The following OSBPL10 variants were observed in gnomAD, a reference collection of about 807,000 sequenced individuals.
OSBPL10 encodes oxysterol-binding protein-related protein 10.
OSBPL10 carries 49 observed loss-of-function variants against 81.7 expected under a neutral mutation model. The observed-to-expected ratio is 0.60, with a 90% CI of 0.48 to 0.76. The LOEUF is 0.76. Among genes scored for constraint, OSBPL10 ranks in the 30% least tolerant of loss-of-function variants. The pLI, the probability that OSBPL10 is intolerant of heterozygous loss-of-function variation, is 0.00. For missense variants in OSBPL10, 923 were observed against 987.8 expected (o/e 0.93, Z 0.88); for synonymous variants, 419 against 383.6 (o/e 1.09, Z -1.08).
intron 9 of OSBPL10, 24 bp downstream of exon 9, chr3:31,670,773 A>T (rs1006160258): frequency 6.3e-7 from 1 of 1,599,870 alleles, no homozygotes; most frequent in East Asian, 2.2e-5. Context: ...AGACAAAGCC[A>T]GAGTCTCTCC....
chr3:31,979,600 G>A (rs1381638767), intron 1 of OSBPL10, among the ~76,000 whole-genome samples: 2 of 152,124 alleles, frequency 1.3e-5, no homozygotes, highest in African/African-American at 4.8e-5. Context: ...AAGATCTGGA[G>A]ACTGTTAAAT....
At chr3:31,703,036 A>T (rs1039609125) in intron 6 of OSBPL10, among the ~76,000 whole-genome samples, 3 of 152,258 alleles carry the variant, frequency 2.0e-5, no homozygotes, top group African/African-American at 7.2e-5. Context: ...GAGAATTGGC[A>T]TTAATTTAGG....
Position 32,052,970 on chromosome 3 carries a change from C to CAA in OSBPL10, n.186-6369_186-6368dup, listed in dbSNP as rs34352495. Among the ~76,000 whole-genome samples the CAA allele has an allele frequency of 1.2e-4, 18 of 151,614 alleles. No individual in the cohort carries two copies. The East Asian group carries it at 1.4e-3, about 11-fold the overall frequency. ...TATATCCCAGAACTTACAGAACAAT[C>CAA]AAAAAAAAATTGATTGACTTACCTG... On this transcript the variant is annotated intron_variant and non_coding_transcript_variant, in intron 1 of 3. Coordinates refer to the OSBPL10 transcript ENST00000479173.
intron 5 of OSBPL10, among the ~76,000 whole-genome samples, chr3:31,745,443 T>C (rs748698503): frequency 1.3e-5 from 2 of 152,212 alleles, no homozygotes; most frequent in African/African-American, 4.8e-5. Flanking sequence ...AAGAAGGATA[T>C]GTGAGCATTT....
chr3:31,665,081 G>C (rs1700157052), intron 10 of OSBPL10, among the ~76,000 whole-genome samples: 1 of 152,130 alleles, frequency 6.6e-6, no homozygotes, highest in Non-Finnish European at 1.5e-5. Flanking sequence ...AAAGCACTTT[G>C]ACAGTGGGAC....
rs1377748801 is a variant in OSBPL10, at chr3:32,031,448, AG to A, written n.298+15042del. On this transcript the variant is annotated intron_variant and non_coding_transcript_variant, in intron 2 of 3. Coordinates refer to the OSBPL10 transcript ENST00000479173. ...ATTCTCTTCAGTTATTTAACCTGAA[AG>A]GCTTCTTAAATAATTTTTTTTTTTT... is the stretch of plus-strand genomic sequence containing the variant. 2.0e-5 allele frequency among the ~76,000 whole-genome samples: 3 copies of A among 151,546 alleles called. No individual in the cohort carries two copies. The East Asian group carries it at 5.8e-4, about 29-fold the overall frequency.
At chr3:31,989,111 A>G in intron 2 of OSBPL10, 6 of 1,614,106 alleles carry the variant, frequency 3.7e-6, no homozygotes, top group Non-Finnish European at 5.1e-6. Flanking sequence ...CAGAAGAGGA[A>G]AGAAAAGGAG....
At position 31,809,959 on chromosome 3, in the gene OSBPL10, C is replaced by T. The variant is rs529559930; in HGVS notation, c.729+20081G>A. ...TGATCTCGGTTCACCACAACCTCTGCCTCCTGGATTCAAGCGATTCTCCTG... is the reference window on the plus strand; with the variant it reads ...TGATCTCGGTTCACCACAACCTCTGTCTCCTGGATTCAAGCGATTCTCCTG... On this transcript the variant is annotated intron_variant, in intron 4 of 11. Transcript: ENST00000396556. Among the ~76,000 whole-genome samples, 194 of 148,348 alleles carry T rather than the reference C, an allele frequency of 1.3e-3. 1 individual carries two copies. Among genetic ancestry groups the T allele is most frequent in the African/African-American group, 4.7e-3 (188 of 39,600 alleles).
At chr3:31,930,554 C>T (rs1361410629) in intron 1 of OSBPL10, among the ~76,000 whole-genome samples, 1 of 152,134 alleles carries the variant, frequency 6.6e-6, no homozygotes, top group African/African-American at 2.4e-5. Context: ...AAAACTGGAA[C>T]CTACCTACAT....
At chr3:31,983,832 A>G (rs1213283644), upstream of OSBPL10, among the ~76,000 whole-genome samples, 1 of 152,216 alleles carries the variant, frequency 6.6e-6, no homozygotes, top group Non-Finnish European at 1.5e-5. Flanking sequence ...GAAAATACAT[A>G]ATAAGTTGGC....
At chr3:32,054,319 T>C (rs943692598) in intron 1 of OSBPL10, among the ~76,000 whole-genome samples, 1 of 152,190 alleles carries the variant, frequency 6.6e-6, no homozygotes, top group African/African-American at 2.4e-5. Context: ...TTATTTGGTA[T>C]AAAAATCACA....
chr3:31,747,164 G>A (rs189417542), intron 5 of OSBPL10, among the ~76,000 whole-genome samples: 26 of 151,966 alleles, frequency 1.7e-4, no homozygotes, highest in Non-Finnish European at 2.8e-4. Flanking sequence ...GTGAAACCCC[G>A]TCTCTACTGA....
chr3:31,708,628 A>G (rs1056198383), intron 6 of OSBPL10: 10 of 767,266 alleles, frequency 1.3e-5, no homozygotes, highest in Admixed American at 1.2e-4. Flanking sequence ...TCACTACTAC[A>G]TGCTTGGAAA....
chr3:31,925,688 C>T (rs1559520433), intron 1 of OSBPL10, among the ~76,000 whole-genome samples: 1 of 152,046 alleles, frequency 6.6e-6, no homozygotes, highest in South Asian at 2.1e-4. Flanking sequence ...TTGTGGGCTC[C>T]TGTAATCCCA....
At chr3:31,746,064 T>C (rs964733998) in intron 5 of OSBPL10, among the ~76,000 whole-genome samples, 8 of 152,216 alleles carry the variant, frequency 5.3e-5, no homozygotes, top group South Asian at 2.1e-4. Flanking sequence ...ATATGTGACA[T>C]AACCAGTCTC....
chr3:31,895,118 T>C (rs1024943319), intron 1 of OSBPL10, among the ~76,000 whole-genome samples: 4 of 149,620 alleles, frequency 2.7e-5, no homozygotes, highest in Admixed American at 2.7e-4. Context: ...TGCTGCATAT[T>C]AGAATTCTCT....
rs914079499 is a variant in OSBPL10 at position 31,760,222 on chromosome 3, G to A, written c.730-12102C>T. ...GGTCTTGCTGTCTCAGGGTGGCAGA[G>A]ACAGAAGAGTTGGAGGAGGTGAAAG... On this transcript the variant is annotated intron_variant, in intron 4 of 11. Transcript: ENST00000396556. Among the ~76,000 whole-genome samples the A allele has an allele frequency of 2.0e-4, 30 of 152,330 alleles. 1 individual carries two copies. Among genetic ancestry groups the A allele is most frequent in the Admixed American group, 1.8e-3 (27 of 15,304 alleles).
chr3:32,019,092 C>A (rs1385235607), intron 2 of OSBPL10, among the ~76,000 whole-genome samples: 4 of 152,154 alleles, frequency 2.6e-5, no homozygotes, highest in African/African-American at 9.7e-5. Flanking sequence ...GAAGGCTGTG[C>A]AATCATCACA....
At chr3:31,849,228 GA>G (rs1439091645) in intron 3 of OSBPL10, among the ~76,000 whole-genome samples, 1 of 152,228 alleles carries the variant, frequency 6.6e-6, no homozygotes, top group Non-Finnish European at 1.5e-5. Flanking sequence ...GCCCAGATAA[GA>G]AGAAATGTCC....
Sources: allele counts gnomAD v4.1 joint callset (sites outside exome capture counted in the v4.1 genomes callset), GRCh38; gene constraint gnomAD v4.1.1; transcripts MANE v1.5; gene names NCBI Gene and HGNC (gene_info 2026-07-23, HGNC 2026-07-21).